WDR55: variants seen among roughly 807,000 people sequenced by gnomAD.
The protein encoded by WDR55 is WD repeat domain 55.
In WDR55, 31 loss-of-function variants were observed where a neutral mutation model predicts 34.0. The observed-to-expected ratio is 0.91, with a 90% CI of 0.69 to 1.23. The LOEUF is 1.23. Among genes scored for constraint, WDR55 ranks in the 50% most tolerant of loss-of-function variants. WDR55 has a pLI of 0.00. For missense variants in WDR55, 440 were observed against 494.6 expected, an observed-to-expected ratio of 0.89 and a Z score of 1.05; for synonymous variants, 164 against 185.9, an observed-to-expected ratio of 0.88 and a Z score of 0.96.
chr5:140,671,955 T>C lies in WDR55; in HGVS notation c.*2301T>C. 1.6e-6 allele frequency: 1 copy of C among 632,998 alleles called. No individual in the cohort carries two copies. Among genetic ancestry groups the C allele is most frequent in the Non-Finnish European group, 2.8e-6 (1 of 361,752 alleles). The allele number at this position is 632,998 out of a possible 1,614,324, so 39.2% of individuals were successfully genotyped here. A position where few individuals can be genotyped will look rare whatever the true frequency, so the allele number is the denominator to read the frequency against. ...ACACACTGCTACCTTACAAGTTTCC[T>C]TGGAGAAGTACTGGTTAATTGCAGG... On this transcript the variant is annotated 3_prime_UTR_variant, in exon 7 of 7. Coordinates refer to ENST00000358337, the MANE Select transcript of WDR55 (RefSeq NM_017706.5).
In WDR55 at chr5:140,669,166, G is replaced by T. The variant is rs773363747; in HGVS notation, c.748G>T (p.Ala250Ser). The T allele has an allele frequency of 1.9e-6, 3 of 1,614,144 alleles. No homozygotes were observed. Among genetic ancestry groups the T allele is most frequent in the Non-Finnish European group, 2.5e-6 (3 of 1,180,030 alleles). Residue 250 changes from alanine to serine, a missense_variant, in exon 6 of 7, where the codon GCC becomes TCC. By Grantham distance (99) the Ala-to-Ser change is moderately conservative. Transcript: ENST00000358337. Reference protein sequence around the residue: ...NGFGATSDRFALRAESIDCMV... With the variant: ...NGFGATSDRFSLRAESIDCMV... ...CTTTGGGGCCACAAGTGACCGCTTTGCCCTGAGAGCTGAATCTATCGACTG... is the reference window on the plus strand; with the variant it reads ...CTTTGGGGCCACAAGTGACCGCTTTTCCCTGAGAGCTGAATCTATCGACTG...
chr5:140,669,609 C>A lies in WDR55; in HGVS notation c.1107C>A (p.Ser369=). Residue 369 remains serine, a synonymous_variant, in exon 7 of 7, where the codon TCC becomes TCA. Transcript: ENST00000358337. ...FAGLREEGED[S]MAQEEKEETG... ...GACTGAGGGAAGAGGGAGAAGACTCCATGGCTCAGGAAGAAAAGGAGGAGA... is the reference window on the plus strand; with the variant it reads ...GACTGAGGGAAGAGGGAGAAGACTCAATGGCTCAGGAAGAAAAGGAGGAGA... 1 of 1,614,078 alleles carries A rather than the reference C, an allele frequency of 6.2e-7. No homozygotes were observed.
At position 140,672,215 on chromosome 5, in the gene WDR55, G is replaced by A. The variant is rs1758100026; in HGVS notation, c.*2561G>A. 1.7e-6 allele frequency: 1 copy of A among 593,872 alleles called. No individual in the cohort carries two copies. The highest frequency in any genetic ancestry group is 1.9e-5 in the African/African-American group (1 of 53,612). 36.8% of individuals were successfully genotyped at this position (593,872 alleles called of 1,614,324 possible). A position where few individuals can be genotyped will look rare whatever the true frequency, so the allele number is the denominator to read the frequency against. On this transcript the variant is annotated 3_prime_UTR_variant, in exon 7 of 7. Coordinates refer to ENST00000358337, the MANE Select transcript of WDR55 (RefSeq NM_017706.5). ...GTGCCTATTTTGCGGTGTGGGGGTG[G>A]GGGAAGGTTGAGAATTAAGTCAGGA...
At position 140,668,242 on chromosome 5, in the gene WDR55, A is replaced by T; in HGVS notation, c.200A>T (p.Tyr67Phe). The T allele has an allele frequency of 6.2e-7, 1 of 1,604,622 alleles. No homozygotes were observed. The highest frequency in any genetic ancestry group is 8.5e-7 in the Non-Finnish European group (1 of 1,174,610). Reference sequence around the variant, plus strand: ...CCTTGCCCTCTCCCCAGCTTTTCCTACTCTTGCCAAGAGGGAGAAACCAAG... The same window carrying T: ...CCTTGCCCTCTCCCCAGCTTTTCCTTCTCTTGCCAAGAGGGAGAAACCAAG... ...DVDGDVFVFS[Y>F]SCQEGETKEL... The change falls in exon 2 of 7, where the codon TAC (tyrosine) becomes TTC (phenylalanine). Residue 67 changes from tyrosine (Y) to phenylalanine (F), a missense_variant. Transcript: ENST00000358337.
chr5:140,669,328 C>T lies in WDR55; in HGVS notation c.831-5C>T, dbSNP rs779349129. On this transcript the variant is annotated splice_region_variant and splice_polypyrimidine_tract_variant and intron_variant, in intron 6 of 6. Coordinates refer to ENST00000358337, the MANE Select transcript of WDR55 (RefSeq NM_017706.5). Reference sequence around the variant, plus strand: ...AGTACTCAACACTGTTCTTTCCCTGCCCAGGGCTGTGAACATCCTACCGAA... The same window carrying T: ...AGTACTCAACACTGTTCTTTCCCTGTCCAGGGCTGTGAACATCCTACCGAA... The T allele has an allele frequency of 5.0e-5, 80 of 1,610,180 alleles. No homozygotes were observed. The highest frequency in any genetic ancestry group is 8.9e-5 in the East Asian group (4 of 44,812).
At position 140,671,408 on chromosome 5, in the gene WDR55, C is replaced by A. The variant is rs1758070377; in HGVS notation, c.*1754C>A. The A allele has an allele frequency of 1.2e-6, 2 of 1,612,164 alleles. No individual in the cohort carries two copies. Among genetic ancestry groups the A allele is most frequent in the Non-Finnish European group, 1.7e-6 (2 of 1,179,884 alleles). On this transcript the variant is annotated 3_prime_UTR_variant, in exon 7 of 7. Transcript: ENST00000358337. Reference sequence around the variant, plus strand: ...CACAGCATCCTTGGCCACCTCATGCCCATCCCGGCCATCTAGGGTCAGCAC... The same window carrying A: ...CACAGCATCCTTGGCCACCTCATGCACATCCCGGCCATCTAGGGTCAGCAC...
At chr5:140,667,955 C>T (rs1377438887) in intron 1 of WDR55, 1 of 280,088 alleles carries the variant, frequency 3.6e-6, no homozygotes, top group African/African-American at 2.2e-5. Flanking sequence ...CAATCTTTGT[C>T]CAGGCTGGGG....
rs1433481809 is a variant in WDR55, at chr5:140,672,062, T to C, written c.*2408T>C. On this transcript the variant is annotated 3_prime_UTR_variant, in exon 7 of 7. Coordinates refer to ENST00000358337, the MANE Select transcript of WDR55 (RefSeq NM_017706.5). Reference sequence around the variant, plus strand: ...AAGTCAGTCAGTGTGCTAAGTACCGTACACCCATTATGTTACTTAATTCTC... The same window carrying C: ...AAGTCAGTCAGTGTGCTAAGTACCGCACACCCATTATGTTACTTAATTCTC... 1.8e-6 allele frequency: 1 copy of C among 560,086 alleles called. No individual in the cohort carries two copies. Among genetic ancestry groups the C allele is most frequent in the African/African-American group, 1.9e-5 (1 of 53,168 alleles). 34.7% of individuals were successfully genotyped at this position (560,086 alleles called of 1,614,324 possible). A position where few individuals can be genotyped will look rare whatever the true frequency, so the allele number is the denominator to read the frequency against.
Position 140,671,760 on chromosome 5 carries a change from A to G in WDR55, c.*2106A>G. On this transcript the variant is annotated 3_prime_UTR_variant, in exon 7 of 7. Coordinates refer to ENST00000358337, the MANE Select transcript of WDR55 (RefSeq NM_017706.5). The stretch of plus-strand genomic sequence containing the variant: ...CAGAGGTGTGACTGCCCTGTAGGAA[A>G]AATGCAAAGACAAGGGCAGGTCTAA... 1 of 1,562,618 alleles carries G rather than the reference A, an allele frequency of 6.4e-7. No individual in the cohort carries two copies. Among genetic ancestry groups the G allele is most frequent in the South Asian group, 1.2e-5 (1 of 84,878 alleles).
Position 140,669,868 on chromosome 5 carries a change from ACAGGTGTG to A in WDR55, c.*217_*224del. 1.8e-6 allele frequency: 1 copy of A among 567,566 alleles called. No individual in the cohort carries two copies. Among genetic ancestry groups the A allele is most frequent in the Non-Finnish European group, 3.1e-6 (1 of 321,978 alleles). The allele number at this position is 567,566 out of a possible 1,614,324, so 35.2% of individuals were successfully genotyped here. A position where few individuals can be genotyped will look rare whatever the true frequency, so the allele number is the denominator to read the frequency against. On this transcript the variant is annotated 3_prime_UTR_variant, in exon 7 of 7. Coordinates refer to ENST00000358337, the MANE Select transcript of WDR55 (RefSeq NM_017706.5). The stretch of plus-strand genomic sequence containing the variant: ...CTTAGCCTCTGGAGCAGCTGGGACT[ACAGGTGTG>A]CACTACCACACCAGGCCAATTTTTG...
At position 140,669,522 on chromosome 5, in the gene WDR55, A is replaced by G. The variant is rs889024730; in HGVS notation, c.1020A>G (p.Lys340=). 2 of 1,614,110 alleles carry G rather than the reference A, an allele frequency of 1.2e-6. No homozygotes were observed. Among genetic ancestry groups the G allele is most frequent in the Non-Finnish European group, 1.7e-6 (2 of 1,179,988 alleles). The change falls in exon 7 of 7, where the codon AAA becomes AAG. Residue 340 remains lysine (K), a synonymous_variant. Coordinates refer to ENST00000358337, the MANE Select transcript of WDR55 (RefSeq NM_017706.5). ...TGGATGACTACCGTCGGCGCAAAAA[A>G]AAGGGAGGACCACTGCGGGCTCTGA... The part of the protein sequence containing the change: ...VVVDDYRRRK[K]KGGPLRALSS...
chr5:140,670,941 A>G lies in WDR55; in HGVS notation c.*1287A>G. On this transcript the variant is annotated 3_prime_UTR_variant, in exon 7 of 7. Coordinates refer to ENST00000358337, the MANE Select transcript of WDR55 (RefSeq NM_017706.5). ...TCAGCTGCCCTTCCCCACAAATAAAAACCAACAAAGAGGACAAATCAGGAC... is the reference window on the plus strand; with the variant it reads ...TCAGCTGCCCTTCCCCACAAATAAAGACCAACAAAGAGGACAAATCAGGAC... 1 of 319,578 alleles carries G rather than the reference A, an allele frequency of 3.1e-6. No individual in the cohort carries two copies. Among genetic ancestry groups the G allele is most frequent in the Non-Finnish European group, 5.9e-6 (1 of 169,476 alleles). 19.8% of individuals were successfully genotyped at this position (319,578 alleles called of 1,614,324 possible). A position where few individuals can be genotyped will look rare whatever the true frequency, so the allele number is the denominator to read the frequency against.
At chr5:140,667,239 G>GAACCAAGAATTTTCCTCCA in intron 1 of WDR55, 1 of 844,452 alleles carries the variant, frequency 1.2e-6, no homozygotes, top group Non-Finnish European at 1.4e-6. Flanking sequence ...AGGTTCTGGA[G>GAACCAAGAATTTTCCTCCA]GAAAATTCTT....
At position 140,671,198 on chromosome 5, in the gene WDR55, T is replaced by C. The variant is rs558302892; in HGVS notation, c.*1544T>C. On this transcript the variant is annotated 3_prime_UTR_variant, in exon 7 of 7. Coordinates refer to ENST00000358337, the MANE Select transcript of WDR55 (RefSeq NM_017706.5). ...CCTGGGCCCATGCCCCTCCCCACCT[T>C]TGGGGGTCAGAAAGTGGCCACCCAG... 6.6e-7 allele frequency: 1 copy of C among 1,506,742 alleles called. No individual in the cohort carries two copies. The highest frequency in any genetic ancestry group is 2.3e-5 in the East Asian group (1 of 44,182). 93.3% of individuals were successfully genotyped at this position (1,506,742 alleles called of 1,614,324 possible).
intron 1 of WDR55, 97 bp from the exon 2 acceptor site, chr5:140,668,137 T>C (rs1757966058): frequency 1.4e-6 from 2 of 1,381,012 alleles, no homozygotes; most frequent in Non-Finnish European, 1.9e-6. Context: ...CAGGAACTCT[T>C]AGGTAGGTGG....
chr5:140,670,805 C>T lies in WDR55; in HGVS notation c.*1151C>T, dbSNP rs1181218782. On this transcript the variant is annotated 3_prime_UTR_variant, in exon 7 of 7. Transcript: ENST00000358337. ...AGCACAGACACAAGTATATACTAAC[C>T]AGGGGTTTAATATAAATACAACCAG... The T allele has an allele frequency of 8.7e-6, 2 of 228,800 alleles. No individual in the cohort carries two copies. Among genetic ancestry groups the T allele is most frequent in the East Asian group, 1.1e-4 (1 of 9,458 alleles). The allele number at this position is 228,800 out of a possible 1,614,324, so 14.2% of individuals were successfully genotyped here.
rs1208374791 is a variant in WDR55, at chr5:140,669,251, G to C, written c.830+3G>C. On this transcript the variant is annotated splice_donor_region_variant and intron_variant, in intron 6 of 6. Transcript: ENST00000358337. Reference sequence around the variant, plus strand: ...GGCTCCACTGATGGAGTCATCAGGTGAGGGAAGCCTGGACAGCCCTTAGGT... The same window carrying C: ...GGCTCCACTGATGGAGTCATCAGGTCAGGGAAGCCTGGACAGCCCTTAGGT... 2 of 1,613,580 alleles carry C rather than the reference G, an allele frequency of 1.2e-6. No homozygotes were observed. Among genetic ancestry groups the C allele is most frequent in the Non-Finnish European group, 1.7e-6 (2 of 1,180,014 alleles).
chr5:140,668,210 T>G (rs1393952713), intron 1 of WDR55, 24 bp from the exon 2 acceptor site: 18 of 1,572,186 alleles, frequency 1.1e-5, no homozygotes, highest in Non-Finnish European at 1.5e-5. Flanking sequence ...CTGGAGTCAT[T>G]TACCCTCCTT....
In WDR55 at chr5:140,671,282, A is replaced by G. The variant is rs1460898475; in HGVS notation, c.*1628A>G. 2 of 1,612,612 alleles carry G rather than the reference A, an allele frequency of 1.2e-6. No individual in the cohort carries two copies. Among genetic ancestry groups the G allele is most frequent in the Non-Finnish European group, 1.7e-6 (2 of 1,179,944 alleles). The stretch of plus-strand genomic sequence containing the variant: ...ATGCCCATTCAGGGTGCCTGTGGAG[A>G]AAGAATGGAGTCACTGTTTAACCAT... On this transcript the variant is annotated 3_prime_UTR_variant, in exon 7 of 7. Transcript: ENST00000358337.
Sources: allele counts gnomAD v4.1 joint callset, GRCh38; gene constraint gnomAD v4.1.1; transcripts MANE v1.5; gene names NCBI Gene and HGNC (gene_info 2026-07-23, HGNC 2026-07-21).